Variants in LAMA2 observed in about 807,000 individuals in gnomAD.
The protein encoded by LAMA2 is laminin subunit alpha-2.
Under a neutral mutation model 364.8 loss-of-function variants are expected in LAMA2, and 269 were observed. The ratio of observed to expected loss-of-function variants is 0.74; its 90% confidence interval spans 0.67 to 0.82. The LOEUF is 0.82. Among genes scored for constraint, LAMA2 ranks in the 40% least tolerant of loss-of-function variants. LAMA2 has a pLI of 0.00. For synonymous variants in LAMA2, 1,379 were observed against 1,370.6 expected (o/e 1.01, Z -0.14); for missense variants, 3,807 against 3,873.2 (o/e 0.98, Z 0.45).
rs1239206820 is a variant in LAMA2, at chr6:128,908,335, G to T, written c.112+24978G>T. Among the ~76,000 whole-genome samples the T allele has an allele frequency of 2.0e-5, 3 of 151,088 alleles. No individual in the cohort carries two copies. In the East Asian group the frequency reaches 5.8e-4, roughly 29 times the overall value. Reference sequence around the variant, plus strand: ...AGATCCTGTTATTTGTCTATTCAGAGATTCAACTTCTTCCTGGTTTAGTCT... The same window carrying T: ...AGATCCTGTTATTTGTCTATTCAGATATTCAACTTCTTCCTGGTTTAGTCT... On this transcript the variant is annotated intron_variant, in intron 1 of 64. Transcript: ENST00000421865.
In LAMA2 at chr6:129,383,166, TGA is replaced by T. The variant is rs779085858; in HGVS notation, c.5008_5009del (p.Arg1670AspfsTer13). On this transcript the variant is annotated frameshift_variant, in exon 35 of 65. Transcript: ENST00000421865. LOFTEE classifies it high-confidence loss of function. ...ADGEQTGQDAERTNTRAKSLG... is the reference protein window; with the variant it reads ...ADGEQTGQDAXRTNTRAKSLG... ...ATGGCGAGCAGACCGGACAGGATGC[TGA>T]GAGGACCAACACAAGAGCAAAGTCC... is the stretch of plus-strand genomic sequence containing the variant. The T allele has an allele frequency of 6.2e-7, 1 of 1,613,912 alleles. No homozygotes were observed. The highest frequency in any genetic ancestry group is 1.1e-5 in the South Asian group (1 of 91,054).
At position 129,382,256 on chromosome 6, in the gene LAMA2, A is replaced by C. The variant is rs529392156; in HGVS notation, c.4960-866A>C. Among the ~76,000 whole-genome samples, 69 of 152,368 alleles carry C rather than the reference A, an allele frequency of 4.5e-4. 1 individual carries two copies. In the South Asian group the frequency reaches 0.01, roughly 22 times the overall value. On this transcript the variant is annotated intron_variant, in intron 34 of 64. Coordinates refer to ENST00000421865, the MANE Select transcript of LAMA2 (RefSeq NM_000426.4). The stretch of plus-strand genomic sequence containing the variant: ...AGGCTTATATATTAGCATATGCAAC[A>C]CATAGAAAAATGAAGTATAAACCTT...
intron 2 of LAMA2, 79 bp downstream of exon 2, chr6:129,050,167 T>C: frequency 1.4e-6 from 2 of 1,411,488 alleles, no homozygotes; most frequent in Middle Eastern, 2.0e-4. Context: ...TTGCATTAAA[T>C]TCAAGGGTTT....
chr6:128,984,404 C>G (rs753469543), intron 1 of LAMA2, among the ~76,000 whole-genome samples: 2 of 152,114 alleles, frequency 1.3e-5, no homozygotes, highest in Non-Finnish European at 2.9e-5. Flanking sequence ...AGGGCCCATT[C>G]GTATGTACTT....
chr6:128,932,164 A>T (rs903957511), intron 1 of LAMA2, among the ~76,000 whole-genome samples: 12 of 152,316 alleles, frequency 7.9e-5, no homozygotes, highest in African/African-American at 2.9e-4. Context: ...ATTCTTCATC[A>T]CACATTGCAA....
intron 6 of LAMA2, among the ~76,000 whole-genome samples, chr6:129,148,201 C>T (rs965046621): frequency 6.6e-6 from 1 of 152,058 alleles, no homozygotes; most frequent in Non-Finnish European, 1.5e-5. Flanking sequence ...ATGTCCTTTG[C>T]AGGGACATGG....
At chr6:129,171,312 C>G (rs1283868460) in intron 9 of LAMA2, among the ~76,000 whole-genome samples, 1 of 152,150 alleles carries the variant, frequency 6.6e-6, no homozygotes. Context: ...GTGGCTGGTA[C>G]TGGTTGTTCC....
intron 12 of LAMA2, among the ~76,000 whole-genome samples, chr6:129,206,734 T>G (rs1782705457): frequency 6.6e-6 from 1 of 152,186 alleles, no homozygotes; most frequent in Admixed American, 6.5e-5. Flanking sequence ...TCTCCCTCTA[T>G]ATTAGCTGTG....
intron 3 of LAMA2, among the ~76,000 whole-genome samples, chr6:129,075,939 A>G (rs9402100): frequency 0.95 from 144,685 of 151,958 alleles, 68,964 homozygotes; most frequent in East Asian, 0.97. Context: ...TCTACAAAAA[A>G]AAGCAAAAAA....
rs763237131 is a variant in LAMA2, at chr6:129,154,601, G to A, written c.1124G>A (p.Gly375Glu). ...AATATACGTGGAAAGTACATTGGAG[G>A]GGGTGTCTGCATTAATTGTACCCAA... The part of the protein sequence containing the change: ...SLNIRGKYIG[G>E]GVCINCTQNT... Residue 375 changes from glycine to glutamate, a missense_variant, in exon 8 of 65, where the codon GGG becomes GAG. Gly to Glu is a moderately conservative substitution (Grantham distance 98). Around this residue, in one of 3 missense-constraint regions of LAMA2, gnomAD observed 80 missense variants for 124.0 expected, o/e 0.65. Coordinates refer to ENST00000421865, the MANE Select transcript of LAMA2 (RefSeq NM_000426.4). The A allele has an allele frequency of 6.2e-7, 1 of 1,613,866 alleles. No individual in the cohort carries two copies. Among genetic ancestry groups the A allele is most frequent in the South Asian group, 1.1e-5 (1 of 91,080 alleles).
At chr6:128,961,870 G>C (rs1294475817) in intron 1 of LAMA2, among the ~76,000 whole-genome samples, 2 of 151,836 alleles carry the variant, frequency 1.3e-5, no homozygotes, top group Admixed American at 1.3e-4. Flanking sequence ...GGTTTATAGG[G>C]TTGGCAGGGG....
At chr6:129,483,084 A>G (rs1053491778) in intron 55 of LAMA2, among the ~76,000 whole-genome samples, 2 of 150,170 alleles carry the variant, frequency 1.3e-5, no homozygotes, top group African/African-American at 4.9e-5. Flanking sequence ...AAAAAAAAAG[A>G]AAAAGAAAAA....
chr6:129,187,688 G>A (rs1029982982), intron 10 of LAMA2, among the ~76,000 whole-genome samples: 2 of 151,712 alleles, frequency 1.3e-5, no homozygotes, highest in Non-Finnish European at 3.0e-5. Flanking sequence ...AAATGTTTCC[G>A]ATTTGGTATT....
In LAMA2 at chr6:129,460,181, A is replaced by G; in HGVS notation, c.6868-19A>G. 6.2e-7 allele frequency: 1 copy of G among 1,610,748 alleles called. No homozygotes were observed. The highest frequency in any genetic ancestry group is 1.7e-5 in the Admixed American group (1 of 59,872). ...GTGAAATTCCAAATTCTAGCAAATA[A>G]CGGTATTTCTTTCTGCAGAAGGCTG... On this transcript the variant is annotated intron_variant, in intron 48 of 64. Transcript: ENST00000421865.
chr6:129,211,557 G>A (rs951459544), intron 12 of LAMA2, among the ~76,000 whole-genome samples: 4 of 152,172 alleles, frequency 2.6e-5, no homozygotes, highest in African/African-American at 7.2e-5. Flanking sequence ...GAAGGGACCC[G>A]TGGTCCAGTA....
At chr6:129,328,221 C>A in intron 28 of LAMA2, 57 bp from the exon 29 acceptor site, 1 of 1,446,076 alleles carries the variant, frequency 6.9e-7, no homozygotes, top group Non-Finnish European at 9.7e-7. Flanking sequence ...AGAGCTCAAG[C>A]GTTGCTAATG....
At chr6:129,068,532 T>C (rs1773088997) in intron 3 of LAMA2, among the ~76,000 whole-genome samples, 1 of 152,174 alleles carries the variant, frequency 6.6e-6, no homozygotes, top group Non-Finnish European at 1.5e-5. Context: ...GGGTACTAAT[T>C]CCATTCTTGG....
intron 32 of LAMA2, among the ~76,000 whole-genome samples, chr6:129,356,913 A>G (rs1264495180): frequency 6.6e-6 from 1 of 152,098 alleles, no homozygotes; most frequent in Non-Finnish European, 1.5e-5. Flanking sequence ...TTCTATGCAG[A>G]AGAAAAGATA....
chr6:129,513,404 C>T (rs1178906000), intron 63 of LAMA2, among the ~76,000 whole-genome samples: 1 of 152,112 alleles, frequency 6.6e-6, no homozygotes, highest in Non-Finnish European at 1.5e-5. Context: ...AAGTAACATG[C>T]TCTTAAGGGC....
Sources: gnomAD v4.1 joint callset for allele counts (sites outside exome capture counted in the v4.1 genomes callset) on GRCh38, gnomAD v4.1.1 for gene constraint, gnomAD v4.1.1 regional missense constraint, MANE v1.5 for transcripts, NCBI Gene and HGNC (gene_info 2026-07-23, HGNC 2026-07-21) for gene names.